UBALD1: variants seen among roughly 807,000 people sequenced by gnomAD.
The protein encoded by UBALD1 is UBA like domain containing 1.
In UBALD1, 5 loss-of-function variants were observed where a neutral mutation model predicts 16.1. The observed-to-expected ratio is 0.31, with a 90% CI of 0.16 to 0.66. The LOEUF (loss-of-function observed/expected upper bound fraction) is 0.66. Among genes scored for constraint, UBALD1 ranks in the 30% least tolerant of loss-of-function variants. The pLI, the probability that UBALD1 is intolerant of heterozygous loss-of-function variation, is 0.77. For synonymous variants in UBALD1, 146 were observed against 105.3 expected (o/e 1.39, Z -2.37); for missense variants, 220 against 252.8 (o/e 0.87, Z 0.88).
Position 4,610,496 on chromosome 16 carries a change from C to T in UBALD1, c.180G>A (p.Gln60=). 1 of 1,606,794 alleles carries T rather than the reference C, an allele frequency of 6.2e-7. No homozygotes were observed. Among genetic ancestry groups the T allele is most frequent in the Non-Finnish European group, 8.5e-7 (1 of 1,176,388 alleles). Residue 60 remains glutamine (Q), a synonymous_variant, in exon 2 of 3, where the codon CAG becomes CAA. Transcript: ENST00000283474. The part of the protein sequence containing the change: ...TNIPYSHHHH[Q]MMCTPANTPA... ...TGGGGACTCCGGGGACACTTACCAT[C>T]TGGTGGTGATGGTGGCTGTAGGGGA... is the stretch of plus-strand genomic sequence containing the variant.
Position 4,613,620 on chromosome 16 carries a change from C to T in UBALD1, c.120+1058G>A, listed in dbSNP as rs191422448. Reference sequence around the variant, plus strand: ...GTCCCCGGCTGGGCACAGATGGTACCGGGATGGCTGAGGCCATGACCCTAC... The same window carrying T: ...GTCCCCGGCTGGGCACAGATGGTACTGGGATGGCTGAGGCCATGACCCTAC... On this transcript the variant is annotated intron_variant, in intron 1 of 2. Transcript: ENST00000283474. Among the ~76,000 whole-genome samples the T allele has an allele frequency of 7.2e-3, 1,089 of 152,262 alleles. 3 individuals carry two copies. Among genetic ancestry groups the T allele is most frequent in the Non-Finnish European group, 9.7e-3 (657 of 68,002 alleles).
chr16:4,610,417 C>A (rs1897344853), intron 2 of UBALD1, 76 bp downstream of exon 2: 2 of 1,492,174 alleles, frequency 1.3e-6, no homozygotes, highest in Admixed American at 4.5e-5. Context: ...ACACCGGGGC[C>A]AGGGGCTGCT....
At chr16:4,612,094 C>G (rs1490726825) in intron 1 of UBALD1, among the ~76,000 whole-genome samples, 1 of 140,734 alleles carries the variant, frequency 7.1e-6, no homozygotes, top group Admixed American at 7.6e-5. Context: ...GAGACGGAGT[C>G]TCGCTCTGTC....
chr16:4,613,016 AGCTGGG>A, intron 1 of UBALD1, among the ~76,000 whole-genome samples: 1 of 23,746 alleles, frequency 4.2e-5, no homozygotes, highest in Non-Finnish European at 3.5e-4. Context: ...CCTGGGTGCC[AGCTGGG>A]TGCCAGGTTT....
At chr16:4,610,979 C>T in intron 1 of UBALD1, 1 of 377,286 alleles carries the variant, frequency 2.7e-6, no homozygotes, top group Non-Finnish European at 4.7e-6. Flanking sequence ...GCTGTTACCA[C>T]CTCAACGGGT....
chr16:4,610,891 C>A, intron 1 of UBALD1: 2 of 423,342 alleles, frequency 4.7e-6, no homozygotes, highest in Admixed American at 4.1e-5. Flanking sequence ...TACACCCCAT[C>A]CTGGGGGAAA....
At chr16:4,612,038 G>C (rs923734809) in intron 1 of UBALD1, among the ~76,000 whole-genome samples, 12 of 151,808 alleles carry the variant, frequency 7.9e-5, no homozygotes, top group African/African-American at 2.7e-4. Flanking sequence ...CCTCGATCAG[G>C]GGGTATGGGT....
chr16:4,613,811 T>A (rs1462687908), intron 1 of UBALD1: 1 of 152,244 alleles, frequency 6.6e-6, no homozygotes, highest in Non-Finnish European at 1.5e-5. Context: ...GGGGAGTGGG[T>A]GCCAGACCGG....
At chr16:4,614,493 CTCCGCCCGCCGCGAGCCCTTGGGA>C (rs1897398953) in intron 1 of UBALD1, 161 bp downstream of exon 1, 1 of 1,067,032 alleles carries the variant, frequency 9.4e-7, no homozygotes, top group African/African-American at 1.6e-5. Context: ...CGGTTCCCAC[CTCCGCCCGCCGCGAGCCCTTGGGA>C]TCCGGACGCC....
chr16:4,614,122 G>A (rs993297402), intron 1 of UBALD1: 2 of 190,278 alleles, frequency 1.1e-5, no homozygotes, highest in African/African-American at 4.7e-5. Context: ...ACGCACCAGG[G>A]GGCTGCGCGT....
chr16:4,610,222 C>G lies in UBALD1; in HGVS notation c.184-239G>C, dbSNP rs751122903. The G allele has an allele frequency of 5.2e-5, 37 of 711,760 alleles. 1 individual carries two copies. The Middle Eastern group carries it at 2.7e-3, about 53-fold the overall frequency. The allele number at this position is 711,760 out of a possible 1,614,324, so 44.1% of individuals were successfully genotyped here. Reference sequence around the variant, plus strand: ...GCCACGAGGCTTTCCCAGCCCACCCCTTTCCATCAGCCACAGCATCCCCGG... The same window carrying G: ...GCCACGAGGCTTTCCCAGCCCACCCGTTTCCATCAGCCACAGCATCCCCGG... On this transcript the variant is annotated intron_variant, in intron 2 of 2. Coordinates refer to ENST00000283474, the MANE Select transcript of UBALD1 (RefSeq NM_145253.3).
intron 1 of UBALD1, 128 bp from the exon 2 acceptor site, chr16:4,610,683 G>A (rs768429630): frequency 9.6e-7 from 1 of 1,036,674 alleles, no homozygotes; most frequent in Non-Finnish European, 1.4e-6. Context: ...GTGAGTCGCG[G>A]TGCTGAGGCT....
intron 1 of UBALD1, chr16:4,614,264 G>C (rs957311040): frequency 5.7e-6 from 2 of 350,736 alleles, no homozygotes; most frequent in African/African-American, 4.3e-5. Context: ...CCAGGCACGC[G>C]GACCCTCGGA....
In UBALD1 at chr16:4,613,446, T is replaced by C. The variant is rs376774440; in HGVS notation, c.120+1232A>G. Among the ~76,000 whole-genome samples, 163 of 152,284 alleles carry C rather than the reference T, an allele frequency of 1.1e-3. 1 individual carries two copies. Among genetic ancestry groups the C allele is most frequent in the African/African-American group, 3.6e-3 (151 of 41,558 alleles). On this transcript the variant is annotated intron_variant, in intron 1 of 2. Transcript: ENST00000283474. ...GGAGAGAGGGATGTACTCATCTGGA[T>C]GGGATGGCCACTGCCTTCCCAGACT...
rs549063158 is a variant in UBALD1, at chr16:4,610,258, G to A, written c.183+235C>T. The A allele has an allele frequency of 2.1e-4, 148 of 713,620 alleles. 1 individual carries two copies. In the East Asian group the frequency reaches 3.7e-3, roughly 18 times the overall value. 44.2% of individuals were successfully genotyped at this position (713,620 alleles called of 1,614,324 possible). A position where few individuals can be genotyped will look rare whatever the true frequency, so the allele number is the denominator to read the frequency against. On this transcript the variant is annotated intron_variant, in intron 2 of 2. Coordinates refer to ENST00000283474, the MANE Select transcript of UBALD1 (RefSeq NM_145253.3). Reference sequence around the variant, plus strand: ...CCACAGCATCCCCGGGGGCTGTAGGGTAAGGAGCTTCATTGCCCCAGAGGC... The same window carrying A: ...CCACAGCATCCCCGGGGGCTGTAGGATAAGGAGCTTCATTGCCCCAGAGGC...
chr16:4,610,299 C>T, intron 2 of UBALD1, 194 bp downstream of exon 2: 1 of 718,438 alleles, frequency 1.4e-6, no homozygotes, highest in Non-Finnish European at 2.5e-6. Flanking sequence ...CCCCCCAGGT[C>T]TCAGGGGGAG....
intron 1 of UBALD1, among the ~76,000 whole-genome samples, chr16:4,612,595 T>C (rs760790292): frequency 9.2e-5 from 14 of 152,040 alleles, no homozygotes; most frequent in Non-Finnish European, 1.8e-4. Flanking sequence ...CAGGCCGCTG[T>C]GAGCATTCTC....
At chr16:4,611,976 G>A (rs1897363707) in intron 1 of UBALD1, among the ~76,000 whole-genome samples, 1 of 152,022 alleles carries the variant, frequency 6.6e-6, no homozygotes, top group Non-Finnish European at 1.5e-5. Context: ...TGACTTCCTG[G>A]CCCTCCCAGG....
At position 4,612,945 on chromosome 16, in the gene UBALD1, C is replaced by G. The variant is rs932925608; in HGVS notation, c.120+1733G>C. Among the ~76,000 whole-genome samples, 8 of 152,154 alleles carry G rather than the reference C, an allele frequency of 5.3e-5. No individual in the cohort carries two copies. In the South Asian group the frequency reaches 1.7e-3, roughly 32 times the overall value. On this transcript the variant is annotated intron_variant, in intron 1 of 2. Coordinates refer to ENST00000283474, the MANE Select transcript of UBALD1 (RefSeq NM_145253.3). ...TCCTGCCCCTCTGGGAACAGTCTTT[C>G]CCCAGACATTGCACTCCTCAAAGCT...
Sources: allele counts gnomAD v4.1 joint callset (sites outside exome capture counted in the v4.1 genomes callset), GRCh38; gene constraint gnomAD v4.1.1; transcripts MANE v1.5; gene names NCBI Gene and HGNC (gene_info 2026-07-23, HGNC 2026-07-21).